Variants in CNTN4 observed in about 807,000 individuals in gnomAD.
The protein encoded by CNTN4 is contactin-4.
Under a neutral mutation model 122.5 loss-of-function variants are expected in CNTN4, and 77 were observed. The observed-to-expected ratio is 0.63, with a 90% CI of 0.52 to 0.76. The LOEUF is 0.76. CNTN4 is among the 30% of genes least tolerant of loss of function. The probability of loss-of-function intolerance (pLI) is 0.00; values close to 1 mark genes in which losing one functional copy is unlikely to be tolerated. For missense variants in CNTN4, 1,256 were observed against 1,259.1 expected (o/e 1.00, Z 0.04); for synonymous variants, 512 against 447.0 (o/e 1.15, Z -1.83).
intron 2 of CNTN4, among the ~76,000 whole-genome samples, chr3:2,231,927 A>G (rs6442720): frequency 0.53 from 80,882 of 151,938 alleles, 22,041 homozygotes; most frequent in African/African-American, 0.59. Context: ...ACACATTCCT[A>G]TGAAATTAAC....
intron 12 of CNTN4, among the ~76,000 whole-genome samples, chr3:2,917,982 T>G (rs2094387972): frequency 6.6e-6 from 1 of 152,138 alleles, no homozygotes; most frequent in African/African-American, 2.4e-5. Flanking sequence ...GAGAAGACCA[T>G]GGTTCTTCTA....
chr3:2,542,206 AGACT>A (rs1416415228), intron 3 of CNTN4, among the ~76,000 whole-genome samples: 1 of 152,140 alleles, frequency 6.6e-6, no homozygotes, highest in East Asian at 1.9e-4. Flanking sequence ...GCTAGAAGTA[AGACT>A]GACTGTGAAA....
At chr3:2,761,438 C>CTGTGTGTGTGTGTGTG (rs113454553) in intron 6 of CNTN4, among the ~76,000 whole-genome samples, 2 of 92,768 alleles carry the variant, frequency 2.2e-5, no homozygotes, top group African/African-American at 3.3e-5. Flanking sequence ...TAAGTGTAAC[C>CTGTGTGTGTGTGTGTG]TGTGTGTGTG....
At position 2,175,108 on chromosome 3, in the gene CNTN4, G is replaced by A. The variant is rs79449547; in HGVS notation, c.-145+74469G>A. Among the ~76,000 whole-genome samples, 782 of 152,202 alleles carry A rather than the reference G, an allele frequency of 5.1e-3. 2 individuals carry two copies. The highest frequency in any genetic ancestry group is 0.017 in the African/African-American group (714 of 41,540). ...CAGGGGACATAAATATTTGATCTAT[G>A]GAAATATGTATAAGACATTTATTTA... On this transcript the variant is annotated intron_variant, in intron 2 of 24. Coordinates refer to ENST00000418658, the MANE Select transcript of CNTN4 (RefSeq NM_175607.3).
chr3:2,176,879 A>G (rs1559314269), intron 2 of CNTN4, among the ~76,000 whole-genome samples: 1 of 152,196 alleles, frequency 6.6e-6, no homozygotes, highest in South Asian at 2.1e-4. Flanking sequence ...TTCTGAATTT[A>G]TAAGAATATT....
intron 2 of CNTN4, among the ~76,000 whole-genome samples, chr3:2,235,003 G>A (rs2039626421): frequency 6.6e-6 from 1 of 152,056 alleles, no homozygotes; most frequent in South Asian, 2.1e-4. Context: ...GGCCATACTT[G>A]GAAAAATTGA....
At chr3:2,872,006 T>C (rs1034791024) in intron 8 of CNTN4, among the ~76,000 whole-genome samples, 6 of 152,168 alleles carry the variant, frequency 3.9e-5, no homozygotes, top group Non-Finnish European at 5.9e-5. Context: ...GAAAGTATAA[T>C]TGGGAAGAAT....
At chr3:2,357,419 T>G (rs535520722) in intron 3 of CNTN4, among the ~76,000 whole-genome samples, 2 of 152,218 alleles carry the variant, frequency 1.3e-5, no homozygotes, top group African/African-American at 2.4e-5. Flanking sequence ...TTATGTCGAT[T>G]CCATGCTGTT....
intron 4 of CNTN4, among the ~76,000 whole-genome samples, chr3:2,697,198 T>G (rs1029657944): frequency 7.2e-5 from 11 of 152,212 alleles, no homozygotes; most frequent in African/African-American, 2.7e-4. Context: ...AAGGAGATCA[T>G]GCATATGCTC....
intron 3 of CNTN4, among the ~76,000 whole-genome samples, chr3:2,352,171 A>G (rs887283925): frequency 6.6e-6 from 1 of 151,858 alleles, no homozygotes; most frequent in Non-Finnish European, 1.5e-5. Flanking sequence ...TGGGTGGATC[A>G]TGAGGTCAGG....
intron 2 of CNTN4, among the ~76,000 whole-genome samples, chr3:2,204,018 A>C (rs188057795): frequency 6.6e-6 from 1 of 152,302 alleles, no homozygotes; most frequent in Non-Finnish European, 1.5e-5. Context: ...ATACATATAT[A>C]TTCCAAAGAT....
intron 3 of CNTN4, among the ~76,000 whole-genome samples, chr3:2,456,335 T>G (rs1194377370): frequency 6.6e-6 from 1 of 152,150 alleles, no homozygotes; most frequent in Non-Finnish European, 1.5e-5. Context: ...TTATCTCAAA[T>G]TGTATATATT....
chr3:2,267,802 C>T (rs1410139190), intron 2 of CNTN4, among the ~76,000 whole-genome samples: 1 of 151,870 alleles, frequency 6.6e-6, no homozygotes, highest in Non-Finnish European at 1.5e-5. Context: ...TTTGATTCTA[C>T]CACCAAGAGT....
intron 3 of CNTN4, among the ~76,000 whole-genome samples, chr3:2,455,697 C>T (rs575763338): frequency 1.3e-5 from 2 of 152,148 alleles, no homozygotes; most frequent in South Asian, 4.2e-4. Flanking sequence ...TTTAGCCAGA[C>T]GTGTCTGAGT....
chr3:2,323,403 G>A (rs577372533), intron 2 of CNTN4, among the ~76,000 whole-genome samples: 1 of 152,248 alleles, frequency 6.6e-6, no homozygotes, highest in African/African-American at 2.4e-5. Flanking sequence ...GTAAATTAAA[G>A]TGCACATCCG....
chr3:2,501,110 T>C (rs1575780960), intron 3 of CNTN4, among the ~76,000 whole-genome samples: 1 of 152,206 alleles, frequency 6.6e-6, no homozygotes, highest in East Asian at 1.9e-4. Context: ...CATTGCATGG[T>C]GTATTTTTAG....
At chr3:2,710,470 C>T (rs973399915) in intron 4 of CNTN4, among the ~76,000 whole-genome samples, 2 of 152,254 alleles carry the variant, frequency 1.3e-5, no homozygotes, top group South Asian at 4.2e-4. Context: ...TTCCTGAAAG[C>T]TCTGTGTAGT....
intron 3 of CNTN4, among the ~76,000 whole-genome samples, chr3:2,446,262 G>A (rs1003448558): frequency 6.6e-6 from 1 of 152,124 alleles, no homozygotes; most frequent in Non-Finnish European, 1.5e-5. Context: ...TAGAGAGAAC[G>A]TGGGTTCTTT....
intron 13 of CNTN4, among the ~76,000 whole-genome samples, chr3:2,939,019 G>T (rs573642452): frequency 6.6e-6 from 1 of 152,248 alleles, no homozygotes; most frequent in South Asian, 2.1e-4. Flanking sequence ...TCCTAACTTT[G>T]TCATCTCTAG....
Sources: allele counts gnomAD v4.1 joint callset (sites outside exome capture counted in the v4.1 genomes callset), GRCh38; gene constraint gnomAD v4.1.1; transcripts MANE v1.5; gene names NCBI Gene and HGNC (gene_info 2026-07-23, HGNC 2026-07-21).